PPP2R2C: variants seen among roughly 807,000 people sequenced by gnomAD.
PPP2R2C encodes protein phosphatase 2, regulatory subunit B, gamma.
Under a neutral mutation model 45.3 loss-of-function variants are expected in PPP2R2C, and 10 were observed. The observed-to-expected ratio is 0.22, with a 90% CI of 0.14 to 0.37. The LOEUF (loss-of-function observed/expected upper bound fraction) is 0.37. Among genes scored for constraint, PPP2R2C ranks in the 10% least tolerant of loss-of-function variants. PPP2R2C has a pLI of 1.00. For missense variants in PPP2R2C, 308 were observed against 619.7 expected, an observed-to-expected ratio of 0.50 and a Z score of 5.34; for synonymous variants, 257 against 245.4, an observed-to-expected ratio of 1.05 and a Z score of -0.44.
chr4:6,450,514 G>C (rs1036281978), intron 1 of PPP2R2C, among the ~76,000 whole-genome samples: 1 of 152,124 alleles, frequency 6.6e-6, no homozygotes, highest in Non-Finnish European at 1.5e-5. Flanking sequence ...GGGTCAGCTC[G>C]GGGGGTTCCA....
chr4:6,454,375 C>T (rs1004759196), intron 1 of PPP2R2C, among the ~76,000 whole-genome samples: 1 of 152,172 alleles, frequency 6.6e-6, no homozygotes, highest in African/African-American at 2.4e-5. Context: ...CTGAGATGTC[C>T]CAGGGGTCAG....
chr4:6,427,951 T>C (rs560367630), intron 1 of PPP2R2C, among the ~76,000 whole-genome samples: 31 of 151,994 alleles, frequency 2.0e-4, no homozygotes, highest in African/African-American at 6.8e-4. Context: ...CCCAAGGAGG[T>C]GGGCACTGTT....
chr4:6,416,394 C>T (rs982959769), intron 1 of PPP2R2C, among the ~76,000 whole-genome samples: 17 of 152,192 alleles, frequency 1.1e-4, no homozygotes, highest in Non-Finnish European at 4.4e-5. Flanking sequence ...TTCCACCATC[C>T]CGTGAAAATA....
intron 2 of PPP2R2C, among the ~76,000 whole-genome samples, chr4:6,518,981 T>C (rs906365071): frequency 5.4e-5 from 6 of 110,842 alleles, no homozygotes; most frequent in Non-Finnish European, 1.1e-4. Context: ...GAAAAAGAAA[T>C]GGAACCAACA....
rs571124663 is a variant in PPP2R2C at position 6,548,870 on chromosome 4, G to A, written c.-58-13493C>T. On this transcript the variant is annotated intron_variant, in intron 1 of 9. Coordinates refer to the PPP2R2C transcript ENST00000506140. ...GACAGCAAAGTCTTTCTTGAAGGGG[G>A]ATCTGAGCCTCGCACCTCCTTCTGC... 2.6e-5 allele frequency among the ~76,000 whole-genome samples: 4 copies of A among 152,288 alleles called. No homozygotes were observed. In the East Asian group the frequency reaches 7.7e-4, roughly 29 times the overall value.
At chr4:6,488,167 G>A (rs1380081591) in intron 2 of PPP2R2C, among the ~76,000 whole-genome samples, 2 of 152,134 alleles carry the variant, frequency 1.3e-5, no homozygotes, top group African/African-American at 4.8e-5. Flanking sequence ...GTGTTTTGAT[G>A]ACCTTGTCTG....
chr4:6,333,631 G>A lies in PPP2R2C; in HGVS notation c.891C>T (p.Leu297=). 2 of 1,614,180 alleles carry A rather than the reference G, an allele frequency of 1.2e-6. No homozygotes were observed. Among genetic ancestry groups the A allele is most frequent in the Non-Finnish European group, 8.5e-7 (1 of 1,180,012 alleles). The change falls in exon 7 of 9, where the codon CTC becomes CTT. Residue 297 remains leucine, a synonymous_variant. Coordinates refer to ENST00000382599, the MANE Select transcript of PPP2R2C (RefSeq NM_020416.4). ...VKFSHSGRYM[L]TRDYLTVKVW... ...CCTTGACTGTAAGGTAGTCCCGGGT[G>A]AGCATGTAGCGGCCGCTGTGGCTGA...
chr4:6,512,398 GTGGTGA>G (rs1723649891), intron 2 of PPP2R2C, among the ~76,000 whole-genome samples: 11 of 98,276 alleles, frequency 1.1e-4, no homozygotes, highest in African/African-American at 2.2e-4. Context: ...GATGGTGGTG[GTGGTGA>G]TGGTGGTGGT....
In PPP2R2C at chr4:6,493,822, C is replaced by A. The variant is rs1229310490; in HGVS notation, c.49+41449G>T. 8.5e-5 allele frequency among the ~76,000 whole-genome samples: 13 copies of A among 152,096 alleles called. 1 individual carries two copies. The highest frequency in any genetic ancestry group is 8.5e-4 in the Admixed American group (13 of 15,270). On this transcript the variant is annotated intron_variant, in intron 2 of 9. Transcript: ENST00000506140. ...CTGATTAATGGTTTTCTCTTTCTGT[C>A]GACTCTTTAGTCGGGAGCCGTAGCT...
chr4:6,411,888 G>A (rs1380720855), intron 1 of PPP2R2C, among the ~76,000 whole-genome samples: 1 of 152,178 alleles, frequency 6.6e-6, no homozygotes, highest in Non-Finnish European at 1.5e-5. Flanking sequence ...CTATCCCAGT[G>A]GCCCTGCCAT....
chr4:6,480,630 T>G (rs541025526), intron 2 of PPP2R2C, among the ~76,000 whole-genome samples: 104 of 152,234 alleles, frequency 6.8e-4, no homozygotes, highest in Non-Finnish European at 1.1e-3. Context: ...TACATCCTTT[T>G]ACTTAGTTCC....
intron 1 of PPP2R2C, among the ~76,000 whole-genome samples, chr4:6,443,865 C>G (rs1720283622): frequency 6.6e-6 from 1 of 152,030 alleles, no homozygotes; most frequent in Non-Finnish European, 1.5e-5. Flanking sequence ...TCAGCCCACA[C>G]AGCCTCTCAG....
rs553658931 is a variant in PPP2R2C, at chr4:6,515,545, C to T, written c.49+19726G>A. Among the ~76,000 whole-genome samples the T allele has an allele frequency of 1.5e-4, 23 of 152,352 alleles. 1 individual carries two copies. In the South Asian group the frequency reaches 4.8e-3, roughly 32 times the overall value. On this transcript the variant is annotated intron_variant, in intron 2 of 9. Transcript: ENST00000506140. The stretch of plus-strand genomic sequence containing the variant: ...AAAAAGAGAACCACAGAGTACTCAC[C>T]TCAAAGAGCTGTCATGCAGACTAAA...
chr4:6,456,318 C>G (rs1057241691), intron 1 of PPP2R2C, among the ~76,000 whole-genome samples: 21 of 141,520 alleles, frequency 1.5e-4, no homozygotes, highest in African/African-American at 2.6e-4. Context: ...CCCCCCCCCC[C>G]CTTTATTCTA....
chr4:6,520,145 G>C (rs1021368933), intron 2 of PPP2R2C, among the ~76,000 whole-genome samples: 5 of 152,098 alleles, frequency 3.3e-5, no homozygotes, highest in Non-Finnish European at 7.4e-5. Flanking sequence ...GGGGTGAGTG[G>C]ATGAAGGGGT....
intron 5 of PPP2R2C, chr4:6,349,019 C>T (rs1023617828): frequency 2.4e-5 from 24 of 985,314 alleles, no homozygotes; most frequent in Non-Finnish European, 2.9e-5. Flanking sequence ...ACCTCCCCGG[C>T]CCCAGCACCT....
At position 6,455,802 on chromosome 4, in the gene PPP2R2C, T is replaced by C. The variant is rs910406733; in HGVS notation, c.70+16358A>G. On this transcript the variant is annotated intron_variant, in intron 1 of 8. Coordinates refer to ENST00000382599, the MANE Select transcript of PPP2R2C (RefSeq NM_020416.4). ...AACACACCACGCCGTGCTGTGCCCATAATGTCCCTCCTGCCATGAATGTCG... is the reference window on the plus strand; with the variant it reads ...AACACACCACGCCGTGCTGTGCCCACAATGTCCCTCCTGCCATGAATGTCG... 5.9e-5 allele frequency among the ~76,000 whole-genome samples: 9 copies of C among 152,228 alleles called. 1 individual carries two copies. The highest frequency in any genetic ancestry group is 1.3e-4 in the Admixed American group (2 of 15,298).
At chr4:6,438,278 C>T (rs1719988093) in intron 1 of PPP2R2C, among the ~76,000 whole-genome samples, 2 of 152,128 alleles carry the variant, frequency 1.3e-5, no homozygotes, top group African/African-American at 4.8e-5. Flanking sequence ...TTGGTTCAAA[C>T]GCAGCCTTTC....
At chr4:6,402,860 A>G (rs1441335641) in intron 1 of PPP2R2C, among the ~76,000 whole-genome samples, 1 of 152,148 alleles carries the variant, frequency 6.6e-6, no homozygotes, top group Admixed American at 6.5e-5. Flanking sequence ...TCCCATGGAG[A>G]GTGGTGGCAG....
Sources: gnomAD v4.1 joint callset for allele counts (sites outside exome capture counted in the v4.1 genomes callset) on GRCh38, gnomAD v4.1.1 for gene constraint, MANE v1.5 for transcripts, NCBI Gene and HGNC (gene_info 2026-07-23, HGNC 2026-07-21) for gene names.